Variants in MYO15A observed in about 807,000 individuals in gnomAD.
MYO15A encodes myosin XVA.
Under a neutral mutation model 394.6 loss-of-function variants are expected in MYO15A, and 308 were observed. That is an observed-to-expected ratio of 0.78 (90% CI 0.71 to 0.86). MYO15A has a LOEUF of 0.86. MYO15A is among the 40% of genes least tolerant of loss of function. The probability of loss-of-function intolerance (pLI) is 0.00; values close to 1 mark genes in which losing one functional copy is unlikely to be tolerated. For missense variants in MYO15A, 4,606 were observed against 4,799.1 expected (o/e 0.96, Z 1.19); for synonymous variants, 1,957 against 2,003.8 (o/e 0.98, Z 0.62).
At chr17:18,118,337 T>C (rs1029137114) in intron 1 of MYO15A, among the ~76,000 whole-genome samples, 3 of 152,188 alleles carry the variant, frequency 2.0e-5, no homozygotes, top group Non-Finnish European at 2.9e-5. Context: ...GCAGGTGTGC[T>C]GGTGATTTAG....
At position 18,161,359 on chromosome 17, in the gene MYO15A, C is replaced by T. The variant is rs370936507; in HGVS notation, c.9429C>T (p.Thr3143=). ...QRGWRLLYIV[T]AYHSCSEVLH... ...GCTGGAGGCTGCTGTATATCGTGAC[C>T]GCCTACCACAGCTGCTCTGAGGTCC... is the stretch of plus-strand genomic sequence containing the variant. The change falls in exon 57 of 66, where the codon ACC becomes ACT. Residue 3143 remains threonine, a synonymous_variant. Coordinates refer to ENST00000647165, the MANE Select transcript of MYO15A (RefSeq NM_016239.4). 48 of 1,613,952 alleles carry T rather than the reference C, an allele frequency of 3.0e-5. No individual in the cohort carries two copies. The highest frequency in any genetic ancestry group is 3.9e-5 in the Non-Finnish European group (46 of 1,180,022).
Position 18,142,213 on chromosome 17 carries a change from G to A in MYO15A, c.5784G>A (p.Lys1928=), listed in dbSNP as rs768104440. ...IKRRFRSLRH[K]IILLQSRARG... is the part of the protein sequence containing the mutation. ...GGCGATTCCGCTCTCTGCGCCACAA[G>A]ATCATCCTGCTGCAAAGCCGGGCCC... The change falls in exon 24 of 66, where the codon AAG becomes AAA. Residue 1928 remains lysine, a synonymous_variant. Coordinates refer to ENST00000647165, the MANE Select transcript of MYO15A (RefSeq NM_016239.4). The A allele has an allele frequency of 1.2e-6, 2 of 1,613,536 alleles. No homozygotes were observed. Among genetic ancestry groups the A allele is most frequent in the Admixed American group, 1.7e-5 (1 of 60,012 alleles).
At chr17:18,124,622 C>G in intron 3 of MYO15A, 57 bp downstream of exon 3, 1 of 1,545,200 alleles carries the variant, frequency 6.5e-7, no homozygotes, top group Non-Finnish European at 8.9e-7. Flanking sequence ...CCCCACCCTC[C>G]CAGCCAGAGC....
chr17:18,141,589 C>T (rs2046382226), intron 22 of MYO15A, 64 bp from the exon 23 acceptor site: 1 of 1,477,166 alleles, frequency 6.8e-7, no homozygotes, highest in African/African-American at 1.4e-5. Context: ...GCAGTAACCC[C>T]ATGGTCTAGC....
chr17:18,160,044 A>G lies in MYO15A; in HGVS notation c.9386+27A>G, dbSNP rs764831732. The stretch of plus-strand genomic sequence containing the variant: ...TGAGTGAACTGGACTTTACCCCACC[A>G]TCCCCTCACTGTGTCCATGCTCCAG... On this transcript the variant is annotated intron_variant, in intron 56 of 65. Coordinates refer to ENST00000647165, the MANE Select transcript of MYO15A (RefSeq NM_016239.4). 2.0e-5 allele frequency: 32 copies of G among 1,600,106 alleles called. 2 individuals are homozygous for G. The South Asian group carries it at 2.9e-4, about 14-fold the overall frequency.
intron 65 of MYO15A, among the ~76,000 whole-genome samples, chr17:18,176,171 C>T (rs576202203): frequency 1.3e-5 from 2 of 152,238 alleles, no homozygotes; most frequent in Admixed American, 6.5e-5. Context: ...GTCTGTTTTA[C>T]GTTGCTATAA....
At chr17:18,157,284 C>T (rs2046693360) in intron 50 of MYO15A, 54 bp downstream of exon 50, 3 of 1,554,542 alleles carry the variant, frequency 1.9e-6, no homozygotes, top group Non-Finnish European at 2.6e-6. Flanking sequence ...GTTTCACCCA[C>T]TCGTGGTGCA....
Position 18,118,995 on chromosome 17 carries a change from C to A in MYO15A, c.195C>A (p.Thr65=). 5 of 1,612,850 alleles carry A rather than the reference C, an allele frequency of 3.1e-6. No individual in the cohort carries two copies. Among genetic ancestry groups the A allele is most frequent in the Middle Eastern group, 1.6e-4 (1 of 6,062 alleles). ...CGGCCTTCTTCTGGGGCCTCCACAC[C>A]GGCCCCCAGAAGACCAAGCGCAAGA... is the stretch of plus-strand genomic sequence containing the variant. ...SASAFFWGLH[T]GPQKTKRKRK... Residue 65 remains threonine, a synonymous_variant, in exon 2 of 66, where the codon ACC becomes ACA. Coordinates refer to ENST00000647165, the MANE Select transcript of MYO15A (RefSeq NM_016239.4).
Position 18,147,282 on chromosome 17 carries a change from C to T in MYO15A, c.6510-747C>T, listed in dbSNP as rs2046498126. Among the ~76,000 whole-genome samples, 1 of 152,208 alleles carries T rather than the reference C, an allele frequency of 6.6e-6. No homozygotes were observed. The highest frequency in any genetic ancestry group is 1.5e-5 in the Non-Finnish European group (1 of 68,044). ...ACAGAATCTTGCTTAGGCCAGCATG[C>T]AGCAAATGGACATCACCTGGCCAGT... On this transcript the variant is annotated intron_variant, in intron 30 of 65. Coordinates refer to ENST00000647165, the MANE Select transcript of MYO15A (RefSeq NM_016239.4). The surrounding 1 kb of genome is among the most constrained non-coding windows in gnomAD (Gnocchi z 4.4).
intron 53 of MYO15A, 81 bp from the exon 54 acceptor site, chr17:18,159,194 T>C (rs1317429261): frequency 2.0e-6 from 3 of 1,538,390 alleles, no homozygotes; most frequent in Non-Finnish European, 1.8e-6. Context: ...CCTGTTATCA[T>C]ATGGCCTTGG....
At position 18,178,792 on chromosome 17, in the gene MYO15A, G is replaced by A. The variant is rs778610842; in HGVS notation, c.10515G>A (p.Val3505=). 1.2e-5 allele frequency: 20 copies of A among 1,614,038 alleles called. No homozygotes were observed. The highest frequency in any genetic ancestry group is 1.5e-5 in the Non-Finnish European group (18 of 1,180,022). Residue 3505 remains valine, a synonymous_variant, in exon 66 of 66, where the codon GTG becomes GTA. Coordinates refer to ENST00000647165, the MANE Select transcript of MYO15A (RefSeq NM_016239.4). ...AGGGACTGGAACTGTGTCGTGTGGT[G>A]GCCGTGCACGTGGAGAACCTGCTCA... The part of the protein sequence containing the change: ...LEQGLELCRV[V]AVHVENLLSA...
intron 12 of MYO15A, among the ~76,000 whole-genome samples, 200 bp downstream of exon 12, chr17:18,133,586 T>TTGCAAATATATA (rs2046209324): frequency 6.6e-6 from 1 of 152,224 alleles, no homozygotes; most frequent in Admixed American, 6.5e-5. Flanking sequence ...CTGATATGAA[T>TTGCAAATATATA]TGCAAATATA....
chr17:18,128,860 G>T (rs2142290200), intron 7 of MYO15A, among the ~76,000 whole-genome samples: 1 of 152,244 alleles, frequency 6.6e-6, no homozygotes, highest in Admixed American at 6.5e-5. Flanking sequence ...ATGGAGCTGT[G>T]GATGTGGCTG....
At position 18,154,855 on chromosome 17, in the gene MYO15A, C is replaced by T. The variant is rs536245956; in HGVS notation, c.8224+100C>T. ...CTGAGGCTGACAAGCCCAGGCCCAC[C>T]ATCTCCCAGACATGTGCCTCCTTGC... On this transcript the variant is annotated intron_variant, in intron 45 of 65. Transcript: ENST00000647165. 341 of 1,332,010 alleles carry T rather than the reference C, an allele frequency of 2.6e-4. 3 individuals carry two copies. The East Asian group carries it at 4.8e-3, about 19-fold the overall frequency. 82.5% of individuals were successfully genotyped at this position (1,332,010 alleles called of 1,614,324 possible).
chr17:18,137,314 T>C (rs571251569), intron 15 of MYO15A, among the ~76,000 whole-genome samples: 14 of 152,356 alleles, frequency 9.2e-5, no homozygotes, highest in Non-Finnish European at 1.9e-4. Flanking sequence ...GGCATGGGGC[T>C]GTTATTCAAG....
rs953132094 is a variant in MYO15A, at chr17:18,121,314, G to A, written c.2514G>A (p.Ser838=). Residue 838 remains serine (S), a synonymous_variant, in exon 2 of 66, where the codon TCG becomes TCA. Transcript: ENST00000647165. The surrounding 1 kb of genome is among the most constrained non-coding windows in gnomAD (Gnocchi z 5.3). Reference sequence around the variant, plus strand: ...CTGGGCGCCTGGGCCCACCCGGCTCGCCGCTGCCGGGCTCACCCAGGCCGC... The same window carrying A: ...CTGGGCGCCTGGGCCCACCCGGCTCACCGCTGCCGGGCTCACCCAGGCCGC... ...RAAGRLGPPG[S]PLPGSPRPPS... 1.5e-6 allele frequency: 2 copies of A among 1,326,942 alleles called. No individual in the cohort carries two copies. The highest frequency in any genetic ancestry group is 3.6e-5 in the South Asian group (2 of 54,976). 82.2% of individuals were successfully genotyped at this position (1,326,942 alleles called of 1,614,324 possible).
rs559474139 is a variant in MYO15A, at chr17:18,138,232, T to A, written c.4993T>A (p.Cys1665Ser). Residue 1665 changes from cysteine to serine, a missense_variant, in exon 17 of 66, where the codon TGT (cysteine) becomes AGT (serine). By Grantham distance (112) the Cys-to-Ser change is moderately radical (BLOSUM62 -1). Coordinates refer to ENST00000647165, the MANE Select transcript of MYO15A (RefSeq NM_016239.4). ...CATCCTGCGGATCCTTGACGACCAGTGTTGCTTTCCCCAGGTGAGCCGCAG... is the reference window on the plus strand; with the variant it reads ...CATCCTGCGGATCCTTGACGACCAGAGTTGCTTTCCCCAGGTGAGCCGCAG... ...YGILRILDDQCCFPQATDHTF... is the reference protein window; with the variant it reads ...YGILRILDDQSCFPQATDHTF... The A allele has an allele frequency of 6.2e-7, 1 of 1,612,960 alleles. No homozygotes were observed. Among genetic ancestry groups the A allele is most frequent in the African/African-American group, 1.3e-5 (1 of 74,916 alleles).
At chr17:18,124,278 G>C (rs915955787) in intron 2 of MYO15A, 33 of 642,542 alleles carry the variant, frequency 5.1e-5, no homozygotes, top group Non-Finnish European at 9.4e-5. Flanking sequence ...TGGGCACTGA[G>C]GGTATGCGTG....
At chr17:18,130,168 C>A (rs191728574) in intron 7 of MYO15A, among the ~76,000 whole-genome samples, 263 of 152,286 alleles carry the variant, frequency 1.7e-3, no homozygotes, top group African/African-American at 6.2e-3. Flanking sequence ...CGTGAGCCAC[C>A]ATGCCCAGCC....
Sources: allele counts gnomAD v4.1 joint callset (sites outside exome capture counted in the v4.1 genomes callset), GRCh38; gene constraint gnomAD v4.1.1; non-coding constraint Gnocchi (gnomAD v3.1); transcripts MANE v1.5; gene names NCBI Gene and HGNC (gene_info 2026-07-23, HGNC 2026-07-21).